The following PCSK5 variants were observed in gnomAD, a reference collection of about 807,000 sequenced individuals.
The protein encoded by PCSK5 is prohormone convertase 5.
In PCSK5, 129 loss-of-function variants were observed where a neutral mutation model predicts 233.2. That is an observed-to-expected ratio of 0.55 (90% CI 0.48 to 0.64). The LOEUF is 0.64. PCSK5 is among the 30% of genes least tolerant of loss of function. The pLI is 0.00. For synonymous variants in PCSK5, 825 were observed against 879.2 expected, an observed-to-expected ratio of 0.94 and a Z score of 1.09; for missense variants, 2,076 against 2,430.1, an observed-to-expected ratio of 0.85 and a Z score of 3.06.
At chr9:76,109,618 A>G (rs1832126734) in intron 9 of PCSK5, among the ~76,000 whole-genome samples, 1 of 150,372 alleles carries the variant, frequency 6.7e-6, no homozygotes, top group African/African-American at 2.5e-5. Flanking sequence ...TATTTTTGAC[A>G]CAACTGTGAT....
rs1027330770 is a variant in PCSK5 at position 76,328,308 on chromosome 9, G to C, written c.4570+69G>C. 6 of 1,101,660 alleles carry C rather than the reference G, an allele frequency of 5.4e-6. No homozygotes were observed. In the African/African-American group the frequency reaches 9.2e-5, roughly 17 times the overall value. 68.2% of individuals were successfully genotyped at this position (1,101,660 alleles called of 1,614,324 possible). A position where few individuals can be genotyped will look rare whatever the true frequency, so the allele number is the denominator to read the frequency against. On this transcript the variant is annotated intron_variant, in intron 33 of 37. Transcript: ENST00000674117. ...GGGAAACTGCCTTGCACACTGCCTTGTCCAGTAGATACTGGCTTCTTTCTT... is the reference window on the plus strand; with the variant it reads ...GGGAAACTGCCTTGCACACTGCCTTCTCCAGTAGATACTGGCTTCTTTCTT...
rs1587621126 is a variant in PCSK5, at chr9:76,096,122, C to G, written c.1107+20C>G. On this transcript the variant is annotated intron_variant, in intron 8 of 37. Transcript: ENST00000674117. ...AAAATCGTACGTGACATGTGCATGC[C>G]CATCATGATCTGTTTATTTAATGTT... 1 of 1,534,780 alleles carries G rather than the reference C, an allele frequency of 6.5e-7. No homozygotes were observed. The highest frequency in any genetic ancestry group is 9.0e-7 in the Non-Finnish European group (1 of 1,109,098).
intron 2 of PCSK5, among the ~76,000 whole-genome samples, chr9:75,973,499 C>G (rs1825887141): frequency 6.6e-6 from 1 of 152,184 alleles, no homozygotes; most frequent in South Asian, 2.1e-4. Context: ...TTCTGTAAAT[C>G]ACTCCGGAGC....
chr9:75,990,730 G>A (rs901737135), intron 3 of PCSK5, among the ~76,000 whole-genome samples: 5 of 152,178 alleles, frequency 3.3e-5, no homozygotes, highest in African/African-American at 1.2e-4. Flanking sequence ...CTGGGATCAC[G>A]TGCATATATC....
At chr9:75,918,524 T>G (rs1487563428) in intron 1 of PCSK5, among the ~76,000 whole-genome samples, 1 of 152,246 alleles carries the variant, frequency 6.6e-6, no homozygotes, top group African/African-American at 2.4e-5. Context: ...TTAGGTGTGG[T>G]ATGGCTGATA....
At chr9:76,207,527 A>C (rs1255691516) in intron 20 of PCSK5, among the ~76,000 whole-genome samples, 1 of 152,246 alleles carries the variant, frequency 6.6e-6, no homozygotes, top group East Asian at 1.9e-4. Context: ...ACTATGTGTT[A>C]AGTACTGAGC....
chr9:76,205,413 A>T (rs941336400), intron 20 of PCSK5, among the ~76,000 whole-genome samples: 2 of 152,198 alleles, frequency 1.3e-5, no homozygotes, highest in South Asian at 2.1e-4. Context: ...CCAGAAAAAA[A>T]ACTGATGAAC....
rs780577256 is a variant in PCSK5, at chr9:76,358,671, G to A, written c.5413G>A (p.Gly1805Ser). 1.4e-5 allele frequency: 22 copies of A among 1,612,666 alleles called. No homozygotes were observed. The highest frequency in any genetic ancestry group is 3.3e-4 in the Middle Eastern group (2 of 6,084). The change falls in exon 38 of 38, where the codon GGC becomes AGC. Residue 1805 changes from glycine to serine, a missense_variant. Transcript: ENST00000674117. The stretch of plus-strand genomic sequence containing the variant: ...CCGAGTCCAGCCAGCAGCAAAGGCC[G>A]GCTATGAAAAACTGGCCGACCCCAA... ...RGRVQPAAKAGYEKLADPNKS... is the reference protein window; with the variant it reads ...RGRVQPAAKASYEKLADPNKS...
intron 20 of PCSK5, among the ~76,000 whole-genome samples, chr9:76,215,874 G>A (rs1825508947): frequency 2.0e-5 from 3 of 152,116 alleles, no homozygotes; most frequent in East Asian, 1.9e-4. Flanking sequence ...GGGAAGCAGA[G>A]GTTGCAGTAA....
chr9:76,246,989 G>A (rs754326600), intron 24 of PCSK5, among the ~76,000 whole-genome samples: 19 of 152,210 alleles, frequency 1.2e-4, no homozygotes, highest in African/African-American at 2.2e-4. Flanking sequence ...GGAATCTTGC[G>A]CCATGAGGTG....
intron 30 of PCSK5, among the ~76,000 whole-genome samples, chr9:76,321,177 AT>A (rs1202785160): frequency 1.3e-5 from 2 of 151,950 alleles, no homozygotes; most frequent in Non-Finnish European, 2.9e-5. Flanking sequence ...TCCCAGCTTG[AT>A]TTTTCCCTTT....
chr9:76,316,513 C>T (rs759234048), intron 30 of PCSK5, among the ~76,000 whole-genome samples: 4 of 150,796 alleles, frequency 2.7e-5, no homozygotes, highest in Admixed American at 6.6e-5. Flanking sequence ...TGCTTGAGGC[C>T]AGGAGTTTGA....
At position 76,065,053 on chromosome 9, in the gene PCSK5, A is replaced by C. The variant is rs543134822; in HGVS notation, c.633-2902A>C. ...ATATACCACATTTTCTTATTCATTC[A>C]TCTGTTGATGGACACTTATCTTGGC... is the stretch of plus-strand genomic sequence containing the variant. On this transcript the variant is annotated intron_variant, in intron 5 of 37. Transcript: ENST00000674117. Among the ~76,000 whole-genome samples, 15 of 152,320 alleles carry C rather than the reference A, an allele frequency of 9.8e-5. No individual in the cohort carries two copies. The South Asian group carries it at 3.1e-3, about 32-fold the overall frequency.
intron 10 of PCSK5, among the ~76,000 whole-genome samples, chr9:76,142,822 CTTCTT>C (rs1394400930): frequency 6.6e-6 from 1 of 152,142 alleles, no homozygotes; most frequent in African/African-American, 2.4e-5. Context: ...TCTTGTGACA[CTTCTT>C]TTCTCTTCTT....
At chr9:75,904,581 A>G (rs924525966) in intron 1 of PCSK5, among the ~76,000 whole-genome samples, 2 of 152,236 alleles carry the variant, frequency 1.3e-5, no homozygotes, top group Non-Finnish European at 2.9e-5. Flanking sequence ...TCAAACCTCA[A>G]TAAGCTACTG....
At chr9:76,088,560 C>T (rs923182663) in intron 7 of PCSK5, among the ~76,000 whole-genome samples, 1 of 152,168 alleles carries the variant, frequency 6.6e-6, no homozygotes, top group African/African-American at 2.4e-5. Flanking sequence ...TTGTCTCATT[C>T]AAGTTACTTG....
At chr9:76,163,178 A>G (rs1822942592) in intron 12 of PCSK5, among the ~76,000 whole-genome samples, 1 of 152,220 alleles carries the variant, frequency 6.6e-6, no homozygotes, top group African/African-American at 2.4e-5. Context: ...TTACTTAGAC[A>G]TTTCAGTGAG....
intron 2 of PCSK5, among the ~76,000 whole-genome samples, chr9:75,939,512 G>T (rs1381975872): frequency 6.6e-6 from 1 of 152,230 alleles, no homozygotes; most frequent in Admixed American, 6.5e-5. Flanking sequence ...ATCTGTAGGA[G>T]AATATTGGAT....
chr9:75,966,605 C>T (rs1156402716), intron 2 of PCSK5, among the ~76,000 whole-genome samples: 3 of 152,108 alleles, frequency 2.0e-5, no homozygotes, highest in African/African-American at 7.2e-5. Flanking sequence ...AGCAGGTGAA[C>T]CTACCCATGT....
Sources: allele counts gnomAD v4.1 joint callset (sites outside exome capture counted in the v4.1 genomes callset), GRCh38; gene constraint gnomAD v4.1.1; transcripts MANE v1.5; gene names NCBI Gene and HGNC (gene_info 2026-07-23, HGNC 2026-07-21).